The following BACH2 variants were observed in gnomAD, a reference collection of about 807,000 sequenced individuals.
BACH2 encodes transcription regulator protein BACH2.
In BACH2, 5 loss-of-function variants were observed where a neutral mutation model predicts 61.8. The ratio of observed to expected loss-of-function variants is 0.08; its 90% CI spans 0.04 to 0.17. BACH2 has a LOEUF of 0.17. Among genes scored for constraint, BACH2 ranks in the 10% least tolerant of loss-of-function variants. BACH2 has a pLI of 1.00. For missense variants in BACH2, 824 were observed against 1,091.1 expected (o/e 0.76, Z 3.45); for synonymous variants, 446 against 440.1 (o/e 1.01, Z -0.17).
intron 4 of BACH2, among the ~76,000 whole-genome samples, chr6:90,202,441 T>C (rs1480509992): frequency 6.6e-6 from 1 of 152,046 alleles, no homozygotes; most frequent in East Asian, 1.9e-4. Context: ...GAAAAAAAAA[T>C]TCTGCTGGGC....
intron 4 of BACH2, among the ~76,000 whole-genome samples, chr6:90,115,854 G>A (rs188334195): frequency 6.6e-6 from 1 of 152,054 alleles, no homozygotes; most frequent in Admixed American, 6.5e-5. Context: ...TTCAAAAGGG[G>A]GCAAAGGACA....
At chr6:89,989,472 G>A (rs1467678841) in intron 6 of BACH2, among the ~76,000 whole-genome samples, 1 of 152,144 alleles carries the variant, frequency 6.6e-6, no homozygotes. Context: ...GGAAGGGAGG[G>A]CATACAGAGC....
At position 90,087,827 on chromosome 6, in the gene BACH2, C is replaced by T. The variant is rs114427004; in HGVS notation, c.-13+1134G>A. Among the ~76,000 whole-genome samples, 1,384 of 151,968 alleles carry T rather than the reference C, an allele frequency of 9.1e-3. 21 individuals carry two copies. Among genetic ancestry groups the T allele is most frequent in the African/African-American group, 0.032 (1,330 of 41,458 alleles). On this transcript the variant is annotated intron_variant, in intron 5 of 8. Transcript: ENST00000257749. ...ACAGGCATGCAATATGAAATGAGCA[C>T]GTCATGGAGAATGGGGTATCCACCC...
chr6:90,218,529 C>T (rs534851265), intron 3 of BACH2, among the ~76,000 whole-genome samples: 1 of 149,264 alleles, frequency 6.7e-6, no homozygotes, highest in African/African-American at 2.5e-5. Flanking sequence ...TTAATTTCCA[C>T]TGCCTCACTG....
At chr6:89,996,740 A>C (rs1022144690) in intron 6 of BACH2, among the ~76,000 whole-genome samples, 1 of 152,164 alleles carries the variant, frequency 6.6e-6, no homozygotes, top group African/African-American at 2.4e-5. Context: ...CCTCCACCTG[A>C]ACCTCTGCAG....
intron 4 of BACH2, among the ~76,000 whole-genome samples, chr6:90,099,386 TTTA>T (rs1164551266): frequency 7.4e-4 from 103 of 139,174 alleles, no homozygotes; most frequent in African/African-American, 3.3e-3. Context: ...ATGCTTTTGT[TTTA>T]TTTTTTTTAG....
chr6:89,977,069 C>T (rs1166096466), intron 6 of BACH2, among the ~76,000 whole-genome samples: 1 of 152,078 alleles, frequency 6.6e-6, no homozygotes. Flanking sequence ...TGCAATTTGG[C>T]AAATTTTATC....
At chr6:89,989,723 G>A (rs892296864) in intron 6 of BACH2, among the ~76,000 whole-genome samples, 7 of 152,182 alleles carry the variant, frequency 4.6e-5, no homozygotes, top group African/African-American at 1.7e-4. Flanking sequence ...AATTCTTGAA[G>A]AATTCTCATG....
chr6:90,021,051 C>T (rs980006539), intron 5 of BACH2, among the ~76,000 whole-genome samples: 4 of 152,112 alleles, frequency 2.6e-5, no homozygotes, highest in Non-Finnish European at 5.9e-5. Flanking sequence ...TGCACATGTA[C>T]ATACACATAT....
intron 4 of BACH2, among the ~76,000 whole-genome samples, chr6:90,183,684 T>C (rs1399192808): frequency 6.6e-6 from 1 of 152,276 alleles, no homozygotes. Flanking sequence ...TAACTCATTC[T>C]ACTCTACCAT....
chr6:90,256,466 G>A (rs1293741028), intron 2 of BACH2, among the ~76,000 whole-genome samples: 1 of 152,180 alleles, frequency 6.6e-6, no homozygotes, highest in African/African-American at 2.4e-5. Context: ...TGAAGATGGA[G>A]AAACTACAAG....
intron 4 of BACH2, among the ~76,000 whole-genome samples, chr6:90,103,029 A>ATATATATATTTTTTT: frequency 3.8e-4 from 8 of 21,164 alleles, no homozygotes; most frequent in African/African-American, 4.8e-4. Context: ...ATATATATAT[A>ATATATATATTTTTTT]TTTTTTTTTT....
chr6:90,296,158 C>G lies in BACH2; in HGVS notation c.-446+322G>C, dbSNP rs769999588. The stretch of plus-strand genomic sequence containing the variant: ...CATGCCTGACTTATTACTCTCTGCT[C>G]CTCCTCCCTCTGCTGTTCCAAAACA... On this transcript the variant is annotated intron_variant, in intron 1 of 8. Coordinates refer to ENST00000257749, the MANE Select transcript of BACH2 (RefSeq NM_021813.4). Among the ~76,000 whole-genome samples the G allele has an allele frequency of 2.9e-3, 445 of 152,110 alleles. 4 individuals are homozygous for G. Among genetic ancestry groups the G allele is most frequent in the Non-Finnish European group, 4.9e-3 (334 of 67,950 alleles).
intron 3 of BACH2, among the ~76,000 whole-genome samples, chr6:90,228,257 ACTAT>A (rs1430251807): frequency 6.6e-6 from 1 of 152,142 alleles, no homozygotes; most frequent in Non-Finnish European, 1.5e-5. Context: ...CCACCATATC[ACTAT>A]CTATCTGTAA....
At chr6:90,218,705 T>C (rs577361547) in intron 3 of BACH2, among the ~76,000 whole-genome samples, 1 of 152,078 alleles carries the variant, frequency 6.6e-6, no homozygotes, top group African/African-American at 2.4e-5. Context: ...CTGACGGATT[T>C]GGCTAAAAAT....
chr6:89,989,054 C>G (rs1442139354), intron 6 of BACH2, among the ~76,000 whole-genome samples: 3 of 152,206 alleles, frequency 2.0e-5, no homozygotes, highest in Admixed American at 2.0e-4. Flanking sequence ...CTTCTCTTGA[C>G]CTCTCATGGC....
chr6:90,227,413 C>T (rs955931482), intron 3 of BACH2, among the ~76,000 whole-genome samples: 1 of 152,250 alleles, frequency 6.6e-6, no homozygotes, highest in Non-Finnish European at 1.5e-5. Flanking sequence ...CAGGCTAAAA[C>T]GTCATGGGAA....
intron 6 of BACH2, among the ~76,000 whole-genome samples, chr6:90,002,915 A>C (rs1000741992): frequency 6.6e-6 from 1 of 151,826 alleles, no homozygotes; most frequent in Non-Finnish European, 1.5e-5. Context: ...GTTATCTGTG[A>C]CTCCTCTCTT....
Position 90,211,689 on chromosome 6 carries a change from G to A in BACH2, c.-274-5008C>T, listed in dbSNP as rs566878211. ...TGCCAAATACTGAATGGAATATGGT[G>A]AGTTGGGCTTTTCTCCCCACTCCAA... On this transcript the variant is annotated intron_variant, in intron 3 of 8. Coordinates refer to ENST00000257749, the MANE Select transcript of BACH2 (RefSeq NM_021813.4). Among the ~76,000 whole-genome samples the A allele has an allele frequency of 1.3e-3, 197 of 151,678 alleles. 2 individuals are homozygous for A. The highest frequency in any genetic ancestry group is 3.4e-3 in the Middle Eastern group (1 of 294).
Sources: allele counts gnomAD v4.1 joint callset (sites outside exome capture counted in the v4.1 genomes callset), GRCh38; gene constraint gnomAD v4.1.1; transcripts MANE v1.5; gene names NCBI Gene and HGNC (gene_info 2026-07-23, HGNC 2026-07-21).